The following POLA2 variants were observed in gnomAD, a reference collection of about 807,000 sequenced individuals.
The protein encoded by POLA2 is DNA polymerase alpha 2, accessory subunit.
In POLA2, 47 loss-of-function variants were observed where a neutral mutation model predicts 82.8. The ratio of observed to expected loss-of-function variants is 0.57; its 90% CI spans 0.45 to 0.72. The LOEUF (loss-of-function observed/expected upper bound fraction) is 0.72, where lower values mean the gene tolerates loss of function less well. Ranked by LOEUF, POLA2 falls within the 30% of genes least tolerant of loss-of-function variation. POLA2 has a pLI of 0.00. For missense variants in POLA2, 634 were observed against 728.1 expected (o/e 0.87, Z 1.49); for synonymous variants, 287 against 286.8 (o/e 1.00, Z -0.01).
intron 10 of POLA2, among the ~76,000 whole-genome samples, chr11:65,284,505 T>C (rs892338940): frequency 2.0e-5 from 3 of 151,748 alleles, no homozygotes; most frequent in Admixed American, 6.6e-5. Context: ...TATGTATTTC[T>C]GTATTTCAAG....
chr11:65,275,959 G>C lies in POLA2; in HGVS notation c.422G>C (p.Ser141Thr). Residue 141 changes from serine to threonine, a missense_variant, in exon 5 of 18, where the codon AGC (serine) becomes ACC (threonine). Coordinates refer to ENST00000265465, the MANE Select transcript of POLA2 (RefSeq NM_002689.4). ...PLTKRSVSTRSPHQLLSPSSF... is the reference protein window; with the variant it reads ...PLTKRSVSTRTPHQLLSPSSF... ...ACAAAAAGGAGTGTGTCAACTCGTA[G>C]CCCCCATCAGCTACTCTCACCGTCA... 2 of 1,607,502 alleles carry C rather than the reference G, an allele frequency of 1.2e-6. No individual in the cohort carries two copies. The highest frequency in any genetic ancestry group is 1.7e-6 in the Non-Finnish European group (2 of 1,177,102).
At chr11:65,262,521 G>A (rs1949410637) in intron 1 of POLA2, 150 bp downstream of exon 1, 3 of 657,094 alleles carry the variant, frequency 4.6e-6, no homozygotes, top group Non-Finnish European at 7.7e-6. Context: ...TCAAACTTGA[G>A]TTTTGAGATT....
chr11:65,277,096 C>G (rs1949589251), intron 5 of POLA2, among the ~76,000 whole-genome samples: 1 of 151,864 alleles, frequency 6.6e-6, no homozygotes, highest in Admixed American at 6.6e-5. Context: ...GCCTTTTCAG[C>G]TCTATCACTT....
At chr11:65,279,764 A>G (rs1015062915) in intron 7 of POLA2, 138 bp downstream of exon 7, 1 of 615,264 alleles carries the variant, frequency 1.6e-6, no homozygotes, top group Non-Finnish European at 2.8e-6. Context: ...ATTTGGGAAA[A>G]TGGGCCCTTC....
At position 65,289,756 on chromosome 11, in the gene POLA2, CA is replaced by C. The variant is rs1317156909; in HGVS notation, c.1171-40del. 4.5e-6 allele frequency: 6 copies of C among 1,321,072 alleles called. No individual in the cohort carries two copies. The African/African-American group carries it at 8.7e-5, about 19-fold the overall frequency. The allele number at this position is 1,321,072 out of a possible 1,614,324, so 81.8% of individuals were successfully genotyped here. ...CAATGTTAAACAAGTGAATAAACAC[CA>C]AACATCTGCCGTCTAAATCTGTCTC... On this transcript the variant is annotated intron_variant, in intron 12 of 17. Coordinates refer to ENST00000265465, the MANE Select transcript of POLA2 (RefSeq NM_002689.4).
chr11:65,297,160 C>T lies in POLA2; in HGVS notation c.1688C>T (p.Thr563Ile). 1 of 1,614,094 alleles carries T rather than the reference C, an allele frequency of 6.2e-7. No homozygotes were observed. The highest frequency in any genetic ancestry group is 1.1e-5 in the South Asian group (1 of 91,070). Reference protein sequence around the residue: ...GCVCVNPGRLTKGQVGGTFAR... With the variant: ...GCVCVNPGRLIKGQVGGTFAR... ...GTCTGTGTGAACCCTGGGCGCCTTA[C>T]CAAAGGGCAGGTGGGAGGCACCTTC... The change falls in exon 18 of 18, where the codon ACC becomes ATC. Residue 563 changes from threonine to isoleucine, a missense_variant. Physicochemically the swap from Thr to Ile is moderately conservative, Grantham distance 89 (BLOSUM62 -1). Transcript: ENST00000265465.
rs1375054618 is a variant in POLA2, at chr11:65,266,805, C to T, written c.204+99C>T. The T allele has an allele frequency of 2.3e-6, 3 of 1,295,366 alleles. No homozygotes were observed. The African/African-American group carries it at 4.4e-5, about 19-fold the overall frequency. 80.2% of individuals were successfully genotyped at this position (1,295,366 alleles called of 1,614,324 possible). A position where few individuals can be genotyped will look rare whatever the true frequency, so the allele number is the denominator to read the frequency against. On this transcript the variant is annotated intron_variant, in intron 2 of 17. Transcript: ENST00000265465. ...TTGAGAGGAGTGTGGGCTTTCGAGT[C>T]AGGCCTGGATTCCAGTCCCAGTGTG...
chr11:65,299,178 G>C (rs1406996728), downstream of POLA2, among the ~76,000 whole-genome samples: 5 of 152,218 alleles, frequency 3.3e-5, no homozygotes, highest in East Asian at 9.6e-4. Context: ...ACGGAGGGTG[G>C]GAGGGTGCCC....
chr11:65,265,954 A>G (rs936971308), intron 1 of POLA2, among the ~76,000 whole-genome samples: 43 of 152,074 alleles, frequency 2.8e-4, no homozygotes, highest in Admixed American at 2.8e-3. Flanking sequence ...CCATGTATTT[A>G]CTGATGGTTC....
chr11:65,277,179 CT>C (rs533891221), intron 5 of POLA2, among the ~76,000 whole-genome samples: 685 of 124,280 alleles, frequency 5.5e-3, no homozygotes, highest in Middle Eastern at 0.026. Flanking sequence ...TCTTTTCTTT[CT>C]TTTTTTTTTT....
intron 13 of POLA2, among the ~76,000 whole-genome samples, chr11:65,293,573 C>T (rs185780400): frequency 6.7e-6 from 1 of 149,310 alleles, no homozygotes; most frequent in Admixed American, 6.7e-5. Context: ...CATGCCACTG[C>T]ACTCCGGCCT....
chr11:65,289,698 T>A, intron 12 of POLA2, 101 bp from the exon 13 acceptor site: 1 of 720,608 alleles, frequency 1.4e-6, no homozygotes, highest in Non-Finnish European at 2.4e-6. Context: ...CTTCAGCTCC[T>A]AGCCCAACAG....
chr11:65,303,539 A>G (rs1173812477), downstream of POLA2, among the ~76,000 whole-genome samples: 2 of 152,090 alleles, frequency 1.3e-5, no homozygotes, highest in African/African-American at 4.8e-5. Context: ...AAGAGGGGGT[A>G]GAGTGGTGGG....
chr11:65,280,807 C>G (rs1949631803), intron 7 of POLA2, 185 bp from the exon 8 acceptor site: 2 of 587,036 alleles, frequency 3.4e-6, no homozygotes, highest in African/African-American at 1.9e-5. Flanking sequence ...ACAAGATGCC[C>G]TTTCAGAGTT....
chr11:65,289,213 TC>T, intron 12 of POLA2, 125 bp downstream of exon 12: 2 of 715,830 alleles, frequency 2.8e-6, no homozygotes. Context: ...AATCAGAAAA[TC>T]ATTTTAGCAG....
chr11:65,284,169 A>AGATG (rs1223791924), intron 10 of POLA2, among the ~76,000 whole-genome samples: 1 of 149,808 alleles, frequency 6.7e-6, no homozygotes, highest in South Asian at 2.1e-4. Context: ...ATAGATAGAT[A>AGATG]GATAGAATTT....
At chr11:65,268,142 G>A (rs1440869425) in intron 3 of POLA2, among the ~76,000 whole-genome samples, 1 of 151,758 alleles carries the variant, frequency 6.6e-6, no homozygotes, top group East Asian at 1.9e-4. Context: ...GGTGATGTAC[G>A]CCTGTAGATC....
chr11:65,305,509 G>A (rs1009352891), exon 9 of POLA2: 6 of 414,406 alleles, frequency 1.4e-5, no homozygotes, highest in Non-Finnish European at 2.9e-5. Flanking sequence ...TGACAGAGCT[G>A]ACAAAATGAC....
chr11:65,294,533 G>T lies in POLA2; in HGVS notation c.1354-13G>T. On this transcript the variant is annotated splice_polypyrimidine_tract_variant and intron_variant, in intron 14 of 17. Coordinates refer to ENST00000265465, the MANE Select transcript of POLA2 (RefSeq NM_002689.4). Reference sequence around the variant, plus strand: ...GGCATACAAATGTTTGTTTCAATCCGTTCTCATTTTAGCAAGTACAGTTTG... The same window carrying T: ...GGCATACAAATGTTTGTTTCAATCCTTTCTCATTTTAGCAAGTACAGTTTG... 2.5e-6 allele frequency: 4 copies of T among 1,596,472 alleles called. No individual in the cohort carries two copies. Among genetic ancestry groups the T allele is most frequent in the Non-Finnish European group, 3.4e-6 (4 of 1,166,430 alleles).
Sources: allele counts gnomAD v4.1 joint callset (sites outside exome capture counted in the v4.1 genomes callset), GRCh38; gene constraint gnomAD v4.1.1; transcripts MANE v1.5; gene names NCBI Gene and HGNC (gene_info 2026-07-23, HGNC 2026-07-21).